The following EXOC6 variants were observed in gnomAD, a reference collection of about 807,000 sequenced individuals.
EXOC6 encodes the protein SEC15-like 1.
A neutral mutation model predicts 112.5 loss-of-function variants in EXOC6; 60 were observed. The observed-to-expected ratio is 0.53, with a 90% CI of 0.43 to 0.66. The LOEUF (loss-of-function observed/expected upper bound fraction) is 0.66. EXOC6 is among the 30% of genes least tolerant of loss of function. The pLI, the probability that EXOC6 is intolerant of heterozygous loss-of-function variation, is 0.00. For synonymous variants in EXOC6, 295 were observed against 308.0 expected (o/e 0.96, Z 0.44); for missense variants, 855 against 957.1 (o/e 0.89, Z 1.41).
upstream of EXOC6, among the ~76,000 whole-genome samples, chr10:92,832,856 T>C (rs1344098200): frequency 2.0e-5 from 3 of 152,050 alleles, no homozygotes; most frequent in African/African-American, 4.8e-5. Flanking sequence ...AGAGACAGGG[T>C]CTCGCCCTGT....
At chr10:92,966,869 C>T (rs1337777296) in intron 17 of EXOC6, among the ~76,000 whole-genome samples, 3 of 145,436 alleles carry the variant, frequency 2.1e-5, no homozygotes, top group Non-Finnish European at 3.0e-5. Flanking sequence ...GCCACACTGA[C>T]TTCCACAATG....
intron 19 of EXOC6, among the ~76,000 whole-genome samples, chr10:93,009,939 G>A (rs1466702047): frequency 2.0e-5 from 3 of 152,346 alleles, no homozygotes; most frequent in South Asian, 2.1e-4. Context: ...CCTACTGGAA[G>A]AAGTGGATGG....
chr10:93,023,966 A>G (rs1014212562), intron 20 of EXOC6, among the ~76,000 whole-genome samples: 20 of 152,150 alleles, frequency 1.3e-4, no homozygotes, highest in African/African-American at 3.4e-4. Context: ...TTAATCGCCA[A>G]AGCTTTTTAA....
rs1159698723 is a variant in EXOC6, at chr10:92,955,724, A to G, written c.1773+10A>G. Reference sequence around the variant, plus strand: ...ACTTTCTACTTTCAAGGTATGTAAAAATTTGACCAAAAGTTTTCATTTCAG... The same window carrying G: ...ACTTTCTACTTTCAAGGTATGTAAAGATTTGACCAAAAGTTTTCATTTCAG... On this transcript the variant is annotated intron_variant, in intron 17 of 21. Coordinates refer to ENST00000260762, the MANE Select transcript of EXOC6 (RefSeq NM_019053.6). The G allele has an allele frequency of 1.3e-6, 2 of 1,599,592 alleles. No homozygotes were observed. The highest frequency in any genetic ancestry group is 2.2e-5 in the East Asian group (1 of 44,588).
chr10:93,048,399 TAAG>T (rs1161703777), intron 20 of EXOC6, among the ~76,000 whole-genome samples: 1 of 152,042 alleles, frequency 6.6e-6, no homozygotes, highest in Non-Finnish European at 1.5e-5. Context: ...AAAAAATTGA[TAAG>T]AATTTATTAA....
chr10:92,902,826 G>C (rs61862270), intron 5 of EXOC6, among the ~76,000 whole-genome samples: 1 of 151,956 alleles, frequency 6.6e-6, no homozygotes, highest in Non-Finnish European at 1.5e-5. Flanking sequence ...GGTTAGTTTT[G>C]TGTGTTTTTA....
At chr10:92,845,066 T>G (rs1216144728), upstream of EXOC6, among the ~76,000 whole-genome samples, 1 of 152,250 alleles carries the variant, frequency 6.6e-6, no homozygotes, top group Non-Finnish European at 1.5e-5. Flanking sequence ...ACTTTTATAC[T>G]GGACACAAAA....
intron 8 of EXOC6, among the ~76,000 whole-genome samples, chr10:92,926,654 C>A (rs924093232): frequency 2.0e-5 from 3 of 152,068 alleles, no homozygotes; most frequent in African/African-American, 7.2e-5. Flanking sequence ...TTGTCTCAGC[C>A]GCTTGAGTAG....
chr10:92,892,176 G>A (rs1259256232), intron 1 of EXOC6, among the ~76,000 whole-genome samples: 4 of 152,120 alleles, frequency 2.6e-5, no homozygotes, highest in Non-Finnish European at 5.9e-5. Context: ...ATTCAGCAAA[G>A]TTGTTACACT....
intron 14 of EXOC6, among the ~76,000 whole-genome samples, chr10:92,951,350 A>G (rs1412158025): frequency 6.6e-6 from 1 of 152,212 alleles, no homozygotes; most frequent in Non-Finnish European, 1.5e-5. Flanking sequence ...GCAATAATTA[A>G]GTAATGGCTA....
At chr10:93,034,707 C>T (rs753927358) in intron 20 of EXOC6, among the ~76,000 whole-genome samples, 5 of 152,116 alleles carry the variant, frequency 3.3e-5, no homozygotes, top group Non-Finnish European at 5.9e-5. Context: ...TGCCACTGGT[C>T]CAGTTTATTC....
At chr10:92,852,976 C>T (rs11187191) in intron 1 of EXOC6, among the ~76,000 whole-genome samples, 179 of 152,172 alleles carry the variant, frequency 1.2e-3, no homozygotes, top group Admixed American at 2.1e-3. Context: ...TTTATTTGCA[C>T]ACTGTGTGAT....
intron 1 of EXOC6, among the ~76,000 whole-genome samples, chr10:92,850,691 C>T (rs1304733068): frequency 1.5e-4 from 23 of 152,110 alleles, no homozygotes; most frequent in Admixed American, 1.5e-3. Context: ...TTATCTACTC[C>T]CTATCATCTT....
intron 5 of EXOC6, among the ~76,000 whole-genome samples, chr10:92,902,383 C>T (rs1850224469): frequency 6.6e-6 from 1 of 151,918 alleles, no homozygotes; most frequent in African/African-American, 2.4e-5. Flanking sequence ...TTTCTTATCT[C>T]TTCTTTGACA....
Position 92,940,754 on chromosome 10 carries a change from T to C in EXOC6, c.1240T>C (p.Phe414Leu), listed in dbSNP as rs1420735823. 1.2e-6 allele frequency: 2 copies of C among 1,611,288 alleles called. No homozygotes were observed. The highest frequency in any genetic ancestry group is 3.3e-5 in the Admixed American group (2 of 59,742). ...TTATGGTTTTCCAGTGAACCGACTT[T>C]TTGACCTTTTATTTGAAATAAGAGA... The part of the protein sequence containing the change: ...QGYGFPVNRL[F>L]DLLFEIRDQY... Residue 414 changes from phenylalanine (F) to leucine (L), a missense_variant, in exon 13 of 22, where the codon TTT (phenylalanine) becomes CTT (leucine). Around this residue, in one of 2 missense-constraint regions of EXOC6, gnomAD observed 450 missense variants for 563.5 expected, o/e 0.80. Coordinates refer to ENST00000260762, the MANE Select transcript of EXOC6 (RefSeq NM_019053.6).
intron 1 of EXOC6, among the ~76,000 whole-genome samples, chr10:92,890,477 G>A (rs1397636276): frequency 6.6e-6 from 1 of 152,068 alleles, no homozygotes; most frequent in Non-Finnish European, 1.5e-5. Context: ...GATGCAATAG[G>A]GAACAAAACA....
At chr10:92,988,936 CTG>C (rs1843120351) in intron 18 of EXOC6, among the ~76,000 whole-genome samples, 1 of 152,162 alleles carries the variant, frequency 6.6e-6, no homozygotes, top group Non-Finnish European at 1.5e-5. Context: ...TTATTTATAA[CTG>C]TAAAAATCCT....
rs142865706 is a variant in EXOC6 at position 92,971,115 on chromosome 10, G to A, written c.1774-2938G>A. On this transcript the variant is annotated intron_variant, in intron 17 of 21. Transcript: ENST00000260762. Reference sequence around the variant, plus strand: ...TGCCCAGGCTGGAGTGAAGTGGCGCGATCTCGGCTCATTGCAAGGAACACC... The same window carrying A: ...TGCCCAGGCTGGAGTGAAGTGGCGCAATCTCGGCTCATTGCAAGGAACACC... Among the ~76,000 whole-genome samples, 473 of 151,794 alleles carry A rather than the reference G, an allele frequency of 3.1e-3. 3 individuals carry two copies. The highest frequency in any genetic ancestry group is 0.011 in the African/African-American group (452 of 41,392).
At position 92,928,360 on chromosome 10, in the gene EXOC6, A is replaced by G; in HGVS notation, c.910A>G (p.Asn304Asp). The change falls in exon 9 of 22, where the codon AAC (asparagine) becomes GAC (aspartate). Residue 304 changes from asparagine (N) to aspartate (D), a missense_variant. Transcript: ENST00000260762. Reference protein sequence around the residue: ...SVLGDEETFENYYRKQRKKQA... With the variant: ...SVLGDEETFEDYYRKQRKKQA... ...TTAGGGTGACGAGGAAACATTTGAA[A>G]ACTATTATCGAAAACAAAGAAAGAA... 6.2e-7 allele frequency: 1 copy of G among 1,609,692 alleles called. No individual in the cohort carries two copies. The highest frequency in any genetic ancestry group is 8.5e-7 in the Non-Finnish European group (1 of 1,177,348).
Sources: allele counts gnomAD v4.1 joint callset (sites outside exome capture counted in the v4.1 genomes callset), GRCh38; gene constraint gnomAD v4.1.1; regional missense constraint gnomAD v4.1.1; transcripts MANE v1.5; gene names NCBI Gene and HGNC (gene_info 2026-07-23, HGNC 2026-07-21).